SIPA1L1: variants seen among roughly 807,000 people sequenced by gnomAD.
SIPA1L1 encodes signal induced proliferation associated 1 like 1.
Under a neutral mutation model 162.7 loss-of-function variants are expected in SIPA1L1, and 26 were observed. The observed-to-expected ratio is 0.16, with a 90% confidence interval of 0.12 to 0.22. The LOEUF is 0.22. Among genes scored for constraint, SIPA1L1 ranks in the 10% least tolerant of loss-of-function variants. The pLI is 1.00. For missense variants in SIPA1L1, 1,874 were observed against 2,241.0 expected (o/e 0.84, Z 3.31); for synonymous variants, 829 against 837.4 (o/e 0.99, Z 0.17).
At chr14:71,320,804 G>A (rs1279942895) in intron 1 of SIPA1L1, among the ~76,000 whole-genome samples, 2 of 152,118 alleles carry the variant, frequency 1.3e-5, no homozygotes, top group East Asian at 1.9e-4. Context: ...CTGCTGGCGG[G>A]CGGGATGGGG....
intron 4 of SIPA1L1, among the ~76,000 whole-genome samples, chr14:71,552,102 A>G (rs992091810): frequency 6.6e-6 from 1 of 152,124 alleles, no homozygotes; most frequent in East Asian, 1.9e-4. Context: ...TGATTGCTGT[A>G]CCCGCCATCC....
chr14:71,320,975 G>C (rs2032725372), intron 1 of SIPA1L1, 147 bp from the exon 2 acceptor site: 1 of 152,116 alleles, frequency 6.6e-6, no homozygotes, highest in African/African-American at 2.4e-5. Context: ...CCAGCCTCGG[G>C]AATTGGGCTG....
At chr14:71,523,552 A>G (rs78244464) in intron 3 of SIPA1L1, among the ~76,000 whole-genome samples, 6 of 151,914 alleles carry the variant, frequency 3.9e-5, no homozygotes, top group Non-Finnish European at 7.4e-5. Flanking sequence ...TTTTTTATCA[A>G]CTCTTCCAAT....
intron 4 of SIPA1L1, among the ~76,000 whole-genome samples, chr14:71,530,399 A>T (rs1278070320): frequency 1.3e-5 from 2 of 150,268 alleles, no homozygotes; most frequent in Admixed American, 6.7e-5. Context: ...TGTGAATGCT[A>T]AAAAGGGTCT....
intron 20 of SIPA1L1, among the ~76,000 whole-genome samples, chr14:71,730,581 C>A (rs553269441): frequency 6.6e-6 from 1 of 152,314 alleles, no homozygotes; most frequent in South Asian, 2.1e-4. Flanking sequence ...TTCTTAGCAA[C>A]CATGCCAGCT....
intron 4 of SIPA1L1, among the ~76,000 whole-genome samples, chr14:71,577,069 C>CAAAAAAAAAAA (rs747771194): frequency 9.0e-6 from 1 of 111,566 alleles, no homozygotes; most frequent in African/African-American, 3.4e-5. Context: ...GGTGACAGAG[C>CAAAAAAAAAAA]AAAAAAAAAA....
At chr14:71,441,743 C>T (rs1312136282) in intron 2 of SIPA1L1, among the ~76,000 whole-genome samples, 1 of 152,214 alleles carries the variant, frequency 6.6e-6, no homozygotes, top group Non-Finnish European at 1.5e-5. Flanking sequence ...TTTTGATTAA[C>T]ACTCCTTTCT....
chr14:71,566,340 T>G (rs1474760933), intron 4 of SIPA1L1, among the ~76,000 whole-genome samples: 6 of 152,230 alleles, frequency 3.9e-5, no homozygotes, highest in Non-Finnish European at 7.3e-5. Context: ...AAAAATAATT[T>G]AAAGTTCCCT....
chr14:71,732,247 A>G lies in SIPA1L1; in HGVS notation c.4862-1419A>G, dbSNP rs150833178. Among the ~76,000 whole-genome samples, 300 of 152,348 alleles carry G rather than the reference A, an allele frequency of 2.0e-3. 2 individuals are homozygous for G. The highest frequency in any genetic ancestry group is 7.0e-3 in the African/African-American group (291 of 41,568). On this transcript the variant is annotated intron_variant, in intron 20 of 23. Coordinates refer to ENST00000381232, the MANE Select transcript of SIPA1L1 (RefSeq NM_001386936.1). ...CTGGCTTACCGGGCTGTCATAATAC[A>G]TGAAAATCTTTAACTCCTGGTAAAC...
At chr14:71,337,618 A>C (rs891833744) in intron 2 of SIPA1L1, among the ~76,000 whole-genome samples, 2 of 152,166 alleles carry the variant, frequency 1.3e-5, no homozygotes, top group African/African-American at 4.8e-5. Flanking sequence ...TCCATGATTC[A>C]ATTATCTCCC....
chr14:71,559,029 A>G (rs1265906153), intron 4 of SIPA1L1, among the ~76,000 whole-genome samples: 1 of 144,312 alleles, frequency 6.9e-6, no homozygotes, highest in Non-Finnish European at 1.5e-5. Flanking sequence ...AGATGTCAAC[A>G]TTTTCATTTT....
At chr14:71,565,191 A>G (rs1463648415) in intron 4 of SIPA1L1, among the ~76,000 whole-genome samples, 2 of 152,046 alleles carry the variant, frequency 1.3e-5, no homozygotes, top group African/African-American at 2.4e-5. Flanking sequence ...CATTCACATG[A>G]TCTCTCCAAC....
At chr14:71,688,856 A>G (rs771284122) in intron 13 of SIPA1L1, among the ~76,000 whole-genome samples, 6 of 152,220 alleles carry the variant, frequency 3.9e-5, no homozygotes, top group Non-Finnish European at 7.3e-5. Flanking sequence ...ACAGTTGTTC[A>G]TTCCATTCAT....
Position 71,377,204 on chromosome 14 carries a change from C to T in SIPA1L1, c.-465+56023C>T, listed in dbSNP as rs1190771838. ...GGCGGCGGCCGGGTGGGGGCGCCCCCCCACCTCCCAGATGGGGTGGCGGCT... is the reference window on the plus strand; with the variant it reads ...GGCGGCGGCCGGGTGGGGGCGCCCCTCCACCTCCCAGATGGGGTGGCGGCT... On this transcript the variant is annotated intron_variant, in intron 2 of 23. Coordinates refer to ENST00000381232, the MANE Select transcript of SIPA1L1 (RefSeq NM_001386936.1). This position sits in a 1 kb window ranked among gnomAD's most constrained non-coding sequence, Gnocchi z 4.8. Among the ~76,000 whole-genome samples, 1 of 150,862 alleles carries T rather than the reference C, an allele frequency of 6.6e-6. No individual in the cohort carries two copies. Among genetic ancestry groups the T allele is most frequent in the African/African-American group, 2.4e-5 (1 of 41,018 alleles).
Position 71,437,280 on chromosome 14 carries a change from G to A in SIPA1L1, c.-464-75463G>A, listed in dbSNP as rs532803010. 2.0e-5 allele frequency among the ~76,000 whole-genome samples: 3 copies of A among 152,178 alleles called. No individual in the cohort carries two copies. In the East Asian group the frequency reaches 5.8e-4, roughly 29 times the overall value. ...TGTAATCTTAGCACTTTTGGAGGCC[G>A]AGGCAGGAGGATTGCTTGAGCCCAG... On this transcript the variant is annotated intron_variant, in intron 2 of 23. Transcript: ENST00000381232.
intron 2 of SIPA1L1, among the ~76,000 whole-genome samples, chr14:71,499,209 G>A (rs931976465): frequency 1.3e-5 from 2 of 152,142 alleles, no homozygotes; most frequent in Non-Finnish European, 2.9e-5. Flanking sequence ...AATAGAAAAG[G>A]AGGTGGCACG....
intron 12 of SIPA1L1, among the ~76,000 whole-genome samples, chr14:71,677,071 C>A (rs1229062798): frequency 6.6e-6 from 1 of 152,206 alleles, no homozygotes; most frequent in East Asian, 1.9e-4. Context: ...AATGGTTGAA[C>A]TAGTTTACAC....
chr14:71,690,006 A>G (rs2081141332), intron 13 of SIPA1L1, among the ~76,000 whole-genome samples: 1 of 152,182 alleles, frequency 6.6e-6, no homozygotes, highest in South Asian at 2.1e-4. Context: ...GATCTAAGCT[A>G]ATCTTCCACT....
chr14:71,385,144 C>G (rs2040213887), intron 2 of SIPA1L1, among the ~76,000 whole-genome samples: 1 of 152,170 alleles, frequency 6.6e-6, no homozygotes. Context: ...ACTACCGATG[C>G]CCCAGATTAA....
Sources: allele counts gnomAD v4.1 joint callset (sites outside exome capture counted in the v4.1 genomes callset), GRCh38; gene constraint gnomAD v4.1.1; non-coding constraint Gnocchi (gnomAD v3.1); transcripts MANE v1.5; gene names NCBI Gene and HGNC (gene_info 2026-07-23, HGNC 2026-07-21).